EYS: variants seen among roughly 807,000 people sequenced by gnomAD.
The protein encoded by EYS is EGF-like photoreceptor maintenance factor.
In EYS, 250 loss-of-function variants were observed where a neutral mutation model predicts 282.1. The ratio of observed to expected loss-of-function variants is 0.89; its 90% CI spans 0.80 to 0.98. The LOEUF is 0.98. Among genes scored for constraint, EYS ranks in the 50% least tolerant of loss-of-function variants. The pLI is 0.00. For missense variants in EYS, 4,016 were observed against 3,709.0 expected (o/e 1.08, Z -2.15); for synonymous variants, 1,355 against 1,282.9 (o/e 1.06, Z -1.20).
At chr6:63,967,670 G>T (rs1464685163) in intron 35 of EYS, among the ~76,000 whole-genome samples, 2 of 152,182 alleles carry the variant, frequency 1.3e-5, no homozygotes, top group African/African-American at 2.4e-5. Context: ...ATGAATTTGT[G>T]AATATTTTGG....
At position 65,460,492 on chromosome 6, in the gene EYS, A is replaced by T. The variant is rs545530276; in HGVS notation, c.862+30102T>A. 5.9e-5 allele frequency among the ~76,000 whole-genome samples: 9 copies of T among 152,198 alleles called. 1 individual carries two copies. In the South Asian group the frequency reaches 1.2e-3, roughly 21 times the overall value. On this transcript the variant is annotated intron_variant, in intron 5 of 42. Transcript: ENST00000503581. ...GTTGTGAAACTCTTTAGCTCATCTC[A>T]TCAGACCTGATAATTTGGACCTTAT...
rs971927689 is a variant in EYS at position 64,755,515 on chromosome 6, C to G, written c.3443+57863G>C. On this transcript the variant is annotated intron_variant, in intron 22 of 42. Transcript: ENST00000503581. ...ACATACATACACACACACACACACA[C>G]ACACACACACACACACACACACACA... Among the ~76,000 whole-genome samples the G allele has an allele frequency of 7.9e-5, 12 of 151,304 alleles. No homozygotes were observed. In the South Asian group the frequency reaches 8.4e-4, roughly 11 times the overall value.
chr6:63,752,747 G>A (rs1353343240), intron 41 of EYS, among the ~76,000 whole-genome samples: 1 of 151,752 alleles, frequency 6.6e-6, no homozygotes, highest in Non-Finnish European at 1.5e-5. Flanking sequence ...CTCCTGCCTC[G>A]GCCTCCCAAA....
chr6:64,694,423 G>A (rs1008338743), intron 22 of EYS, among the ~76,000 whole-genome samples: 4 of 152,164 alleles, frequency 2.6e-5, no homozygotes, highest in African/African-American at 9.7e-5. Context: ...CCACTGGGAA[G>A]CTGGGCAACT....
intron 12 of EYS, among the ~76,000 whole-genome samples, chr6:65,265,587 A>G (rs548551490): frequency 1.2e-4 from 19 of 152,096 alleles, no homozygotes; most frequent in Admixed American, 2.0e-4. Context: ...TGTTTAAAAT[A>G]CCCCACTTCC....
chr6:64,520,605 A>G (rs1430091081), intron 26 of EYS, among the ~76,000 whole-genome samples: 1 of 151,732 alleles, frequency 6.6e-6, no homozygotes, highest in Non-Finnish European at 1.5e-5. Context: ...GAACATTTTT[A>G]TGACTTGAGA....
intron 33 of EYS, among the ~76,000 whole-genome samples, chr6:64,002,509 A>G (rs1049021052): frequency 1.6e-4 from 25 of 152,212 alleles, no homozygotes; most frequent in African/African-American, 5.8e-4. Flanking sequence ...TTCGGGAGTC[A>G]CAGACTCCCA....
At chr6:65,169,440 G>T (rs1467180114) in intron 12 of EYS, among the ~76,000 whole-genome samples, 1 of 151,320 alleles carries the variant, frequency 6.6e-6, no homozygotes, top group East Asian at 2.0e-4. Context: ...ACAAATATAT[G>T]TATTACGTTC....
chr6:64,432,673 T>C (rs911052653), intron 28 of EYS, among the ~76,000 whole-genome samples: 5 of 151,938 alleles, frequency 3.3e-5, no homozygotes, highest in African/African-American at 1.2e-4. Flanking sequence ...AACATCAGAC[T>C]CTCATATTTG....
At chr6:64,098,261 C>T (rs139452251) in intron 31 of EYS, among the ~76,000 whole-genome samples, 3,133 of 152,104 alleles carry the variant, frequency 0.021, 39 homozygotes, top group Middle Eastern at 0.037. Flanking sequence ...AGACAAATTT[C>T]CATTAATAGA....
chr6:64,238,201 ATTCCTT>A, intron 30 of EYS, among the ~76,000 whole-genome samples: 1 of 152,112 alleles, frequency 6.6e-6, no homozygotes, highest in Admixed American at 6.6e-5. Context: ...CACAAATAGG[ATTCCTT>A]AGATTACAAG....
intron 8 of EYS, among the ~76,000 whole-genome samples, chr6:65,383,732 A>G (rs1765701840): frequency 6.6e-6 from 1 of 151,788 alleles, no homozygotes; most frequent in Non-Finnish European, 1.5e-5. Context: ...AAAATTCAAT[A>G]TTTTTATATT....
At chr6:65,491,436 T>G in intron 4 of EYS, 2 of 310,900 alleles carry the variant, frequency 6.4e-6, no homozygotes, top group South Asian at 5.7e-5. Context: ...GCATGTAATT[T>G]GGCAATATGT....
chr6:65,344,364 A>C lies in EYS; in HGVS notation c.1460-187T>G, dbSNP rs532385384. Among the ~76,000 whole-genome samples, 4 of 151,738 alleles carry C rather than the reference A, an allele frequency of 2.6e-5. No individual in the cohort carries two copies. In the South Asian group the frequency reaches 8.3e-4, roughly 31 times the overall value. ...TCAAAGCCCAACACTCTCATTTTAA[A>C]CATGAACTGAGAAATACAGCATCAC... On this transcript the variant is annotated intron_variant, in intron 9 of 42. Transcript: ENST00000503581.
At chr6:65,018,199 T>C (rs913557638) in intron 13 of EYS, among the ~76,000 whole-genome samples, 5 of 152,198 alleles carry the variant, frequency 3.3e-5, no homozygotes, top group African/African-American at 1.2e-4. Context: ...CACCACAAAC[T>C]GGGTGGCTTA....
At chr6:64,763,187 T>C (rs1773217230) in intron 22 of EYS, among the ~76,000 whole-genome samples, 1 of 152,208 alleles carries the variant, frequency 6.6e-6, no homozygotes, top group Non-Finnish European at 1.5e-5. Context: ...TTTAAGGAAC[T>C]ATTTTTATGG....
intron 31 of EYS, among the ~76,000 whole-genome samples, chr6:64,090,524 C>A (rs1057022927): frequency 2.6e-5 from 4 of 152,072 alleles, no homozygotes; most frequent in Non-Finnish European, 2.9e-5. Flanking sequence ...ACTGCATAGT[C>A]CATTTTTTTT....
intron 22 of EYS, among the ~76,000 whole-genome samples, chr6:64,809,957 T>G (rs555290421): frequency 1.3e-5 from 2 of 152,132 alleles, no homozygotes; most frequent in East Asian, 3.9e-4. Context: ...ATGTGTCCTT[T>G]AATCTATAAT....
chr6:64,498,197 A>G (rs1317644949), intron 26 of EYS, among the ~76,000 whole-genome samples: 2 of 152,126 alleles, frequency 1.3e-5, no homozygotes, highest in Non-Finnish European at 2.9e-5. Context: ...AGTGATTCAT[A>G]TATTTAACTT....
Sources: gnomAD v4.1 joint callset for allele counts (sites outside exome capture counted in the v4.1 genomes callset) on GRCh38, gnomAD v4.1.1 for gene constraint, MANE v1.5 for transcripts, NCBI Gene and HGNC (gene_info 2026-07-23, HGNC 2026-07-21) for gene names.